SEPTIN9: variants seen among roughly 807,000 people sequenced by gnomAD.
SEPTIN9 encodes septin 9.
Under a neutral mutation model 56.6 loss-of-function variants are expected in SEPTIN9, and 13 were observed. The ratio of observed to expected loss-of-function variants is 0.23; its 90% CI spans 0.15 to 0.37. The LOEUF (loss-of-function observed/expected upper bound fraction) is 0.37, where lower values mean the gene tolerates loss of function less well. SEPTIN9 is among the 10% of genes least tolerant of loss of function. The pLI is 1.00. For synonymous variants in SEPTIN9, 332 were observed against 334.1 expected, an observed-to-expected ratio of 0.99 and a Z score of 0.07; for missense variants, 650 against 823.1, an observed-to-expected ratio of 0.79 and a Z score of 2.57.
At position 77,330,681 on chromosome 17, in the gene SEPTIN9, C is replaced by G. The variant is rs570607901; in HGVS notation, c.76+23484C>G. 3.3e-5 allele frequency among the ~76,000 whole-genome samples: 5 copies of G among 152,244 alleles called. No homozygotes were observed. Among genetic ancestry groups the G allele is most frequent in the Non-Finnish European group, 4.4e-5 (3 of 68,046 alleles). ...GCCTAAAGCCTGCTGTCAGGAGCCT[C>G]GCTTGCCTCTCAGAGAGCACATGGC... On this transcript the variant is annotated intron_variant, in intron 2 of 11. Coordinates refer to ENST00000427177, the MANE Select transcript of SEPTIN9 (RefSeq NM_001113491.2). This position sits in a 1 kb window ranked among gnomAD's most constrained non-coding sequence, Gnocchi z 4.4.
intron 10 of SEPTIN9, chr17:77,497,072 G>A: frequency 1.7e-6 from 1 of 589,206 alleles, no homozygotes. Context: ...TTTCTGGAGA[G>A]CAGGAGCTGA....
chr17:77,459,817 A>G (rs1568086745), intron 3 of SEPTIN9, among the ~76,000 whole-genome samples: 1 of 152,076 alleles, frequency 6.6e-6, no homozygotes, highest in Non-Finnish European at 1.5e-5. Flanking sequence ...CTGGGATTAC[A>G]GGCGCATGCC....
chr17:77,460,098 A>G lies in SEPTIN9; in HGVS notation c.722-22046A>G, dbSNP rs559352261. Among the ~76,000 whole-genome samples the G allele has an allele frequency of 1.4e-3, 196 of 143,048 alleles. 2 individuals carry two copies. Among genetic ancestry groups the G allele is most frequent in the African/African-American group, 4.9e-3 (185 of 38,122 alleles). The allele number at this position is 143,048 out of a possible 152,430, so 93.8% of individuals were successfully genotyped here. A position where few individuals can be genotyped will look rare whatever the true frequency, so the allele number is the denominator to read the frequency against. Reference sequence around the variant, plus strand: ...ACCCCCCCCAGGCCTTACCTCCAACATCAGGGATCACATTTCAGCATGAGA... The same window carrying G: ...ACCCCCCCCAGGCCTTACCTCCAACGTCAGGGATCACATTTCAGCATGAGA... On this transcript the variant is annotated intron_variant, in intron 3 of 11. Coordinates refer to ENST00000427177, the MANE Select transcript of SEPTIN9 (RefSeq NM_001113491.2).
At chr17:77,365,273 G>C (rs1240485587) in intron 2 of SEPTIN9, among the ~76,000 whole-genome samples, 1 of 152,068 alleles carries the variant, frequency 6.6e-6, no homozygotes, top group African/African-American at 2.4e-5. Context: ...CTCCCTTATT[G>C]AGTCTCTGCT....
At chr17:77,440,372 C>G (rs1840182888) in intron 3 of SEPTIN9, among the ~76,000 whole-genome samples, 1 of 152,152 alleles carries the variant, frequency 6.6e-6, no homozygotes, top group Admixed American at 6.5e-5. Context: ...CCAGGCTGGT[C>G]TCGAACTCCC....
chr17:77,496,826 G>T lies in SEPTIN9; in HGVS notation c.1574-489G>T, dbSNP rs79878085. On this transcript the variant is annotated intron_variant, in intron 10 of 11. Transcript: ENST00000427177. ...GAGCGCACACAAGGTGGATGGGGCC[G>T]TGGGGGTAACACCCTGTGGGCCACA... 9.1e-3 allele frequency among the ~76,000 whole-genome samples: 1,386 copies of T among 152,352 alleles called. 24 individuals carry two copies. The highest frequency in any genetic ancestry group is 0.032 in the African/African-American group (1,337 of 41,586).
chr17:77,430,567 C>T (rs1021446537), intron 3 of SEPTIN9, among the ~76,000 whole-genome samples: 4 of 152,198 alleles, frequency 2.6e-5, no homozygotes, highest in African/African-American at 9.6e-5. Flanking sequence ...CTGGACCCAG[C>T]TCTGGAAAAG....
At position 77,330,010 on chromosome 17, in the gene SEPTIN9, C is replaced by G. The variant is rs1189866003; in HGVS notation, c.76+22813C>G. 6.6e-6 allele frequency among the ~76,000 whole-genome samples: 1 copy of G among 152,218 alleles called. No individual in the cohort carries two copies. Among genetic ancestry groups the G allele is most frequent in the East Asian group, 1.9e-4 (1 of 5,188 alleles). ...ACACAGTCGAGCTGCAGCCCCCGCT[C>G]CATCCCCAGCTGGGGCTCCCTGTGC... is the stretch of plus-strand genomic sequence containing the variant. On this transcript the variant is annotated intron_variant, in intron 2 of 11. Coordinates refer to ENST00000427177, the MANE Select transcript of SEPTIN9 (RefSeq NM_001113491.2). This position sits in a 1 kb window ranked among gnomAD's most constrained non-coding sequence, Gnocchi z 4.4.
At chr17:77,387,156 C>T (rs1360472781) in intron 2 of SEPTIN9, among the ~76,000 whole-genome samples, 3 of 152,192 alleles carry the variant, frequency 2.0e-5, no homozygotes, top group Admixed American at 6.5e-5. Context: ...GTTCTAGAGG[C>T]CAGAAGTCCA....
At chr17:77,485,060 GTGGTAA>G (rs2039686554) in intron 4 of SEPTIN9, among the ~76,000 whole-genome samples, 2 of 19,108 alleles carry the variant, frequency 1.0e-4, no homozygotes, top group Admixed American at 3.4e-4. Flanking sequence ...GATTGTGGTG[GTGGTAA>G]TGGTGATGGT....
intron 3 of SEPTIN9, among the ~76,000 whole-genome samples, chr17:77,471,543 T>C (rs535266310): frequency 6.6e-6 from 1 of 152,394 alleles, no homozygotes; most frequent in East Asian, 1.9e-4. Context: ...GCCTCACTGC[T>C]GAGCTCTGCT....
chr17:77,464,881 C>A lies in SEPTIN9; in HGVS notation c.722-17263C>A, dbSNP rs10451227. The stretch of plus-strand genomic sequence containing the variant: ...GTGCTGGGATTACAGGCATGAGCCA[C>A]TGCGCCCGGCTGACACAGGAAATTA... On this transcript the variant is annotated intron_variant, in intron 3 of 11. Coordinates refer to ENST00000427177, the MANE Select transcript of SEPTIN9 (RefSeq NM_001113491.2). 3.4e-3 allele frequency among the ~76,000 whole-genome samples: 520 copies of A among 152,306 alleles called. 3 individuals are homozygous for A. Among genetic ancestry groups the A allele is most frequent in the African/African-American group, 0.012 (491 of 41,552 alleles).
rs758781092 is a variant in SEPTIN9, at chr17:77,429,261, C to G, written c.721+26558C>G. The G allele has an allele frequency of 1.1e-5, 5 of 471,322 alleles. No homozygotes were observed. The highest frequency in any genetic ancestry group is 7.7e-5 in the South Asian group (5 of 64,574). The allele number at this position is 471,322 out of a possible 1,614,324, so 29.2% of individuals were successfully genotyped here. On this transcript the variant is annotated intron_variant, in intron 3 of 11. Transcript: ENST00000427177. This position sits in a 1 kb window ranked among gnomAD's most constrained non-coding sequence, Gnocchi z 5.2. ...GAAGCTCGTTGACCGTGACCTTGAT[C>G]TGACCGTAATTTTGATGGTGCCGAT...
intron 3 of SEPTIN9, among the ~76,000 whole-genome samples, chr17:77,448,886 C>T (rs141010163): frequency 0.05 from 7,527 of 151,810 alleles, 565 homozygotes; most frequent in African/African-American, 0.17. Context: ...CAGGTTTGAG[C>T]GATTCTCCTG....
In SEPTIN9 at chr17:77,433,422, A is replaced by G. The variant is rs2037222687; in HGVS notation, c.721+30719A>G. Among the ~76,000 whole-genome samples the G allele has an allele frequency of 6.6e-6, 1 of 151,448 alleles. No homozygotes were observed. The highest frequency in any genetic ancestry group is 1.5e-5 in the Non-Finnish European group (1 of 67,860). On this transcript the variant is annotated intron_variant, in intron 3 of 11. Coordinates refer to ENST00000427177, the MANE Select transcript of SEPTIN9 (RefSeq NM_001113491.2). This position sits in a 1 kb window ranked among gnomAD's most constrained non-coding sequence, Gnocchi z 6.4. ...CCCCCCCGGCCAACAGGGTCTGCTT[A>G]GGTGTCCGTCCTGTTGGGGCAGCAG...
Position 77,318,955 on chromosome 17 carries a change from AGT to A in SEPTIN9, c.76+11761_76+11762del, listed in dbSNP as rs961144853. Among the ~76,000 whole-genome samples, 1 of 152,146 alleles carries A rather than the reference AGT, an allele frequency of 6.6e-6. No homozygotes were observed. Among genetic ancestry groups the A allele is most frequent in the African/African-American group, 2.4e-5 (1 of 41,422 alleles). The stretch of plus-strand genomic sequence containing the variant: ...CCTTGGGGAGCAGCACAGACTGAAA[AGT>A]GTTTTGTCTGAAGAGCAGAACTGTC... On this transcript the variant is annotated intron_variant, in intron 2 of 11. Transcript: ENST00000427177. This position sits in a 1 kb window ranked among gnomAD's most constrained non-coding sequence, Gnocchi z 4.9.
chr17:77,470,469 C>G (rs1182608778), intron 3 of SEPTIN9, among the ~76,000 whole-genome samples: 1 of 151,978 alleles, frequency 6.6e-6, no homozygotes, highest in Non-Finnish European at 1.5e-5. Context: ...TACTCATCCA[C>G]TCACCCACCC....
chr17:77,308,308 G>C (rs768613484), intron 2 of SEPTIN9, among the ~76,000 whole-genome samples: 10 of 152,250 alleles, frequency 6.6e-5, no homozygotes, highest in Non-Finnish European at 1.5e-4. Flanking sequence ...CACAAATAGA[G>C]CGCCTGTGGA....
At chr17:77,458,243 C>T (rs1232100237) in intron 3 of SEPTIN9, among the ~76,000 whole-genome samples, 3 of 152,226 alleles carry the variant, frequency 2.0e-5, no homozygotes, top group Non-Finnish European at 4.4e-5. Flanking sequence ...CAGTGCAGGA[C>T]TCAGGGTGGG....
Sources: allele counts gnomAD v4.1 joint callset (sites outside exome capture counted in the v4.1 genomes callset), GRCh38; gene constraint gnomAD v4.1.1; non-coding constraint Gnocchi (gnomAD v3.1); transcripts MANE v1.5; gene names NCBI Gene and HGNC (gene_info 2026-07-23, HGNC 2026-07-21).